Variants in CLIC5 observed in about 807,000 individuals in gnomAD.
CLIC5 encodes CLIC family member 5.
A neutral mutation model predicts 24.7 loss-of-function variants in CLIC5; 20 were observed. The observed-to-expected ratio is 0.81, with a 90% CI of 0.57 to 1.18. The LOEUF (loss-of-function observed/expected upper bound fraction) is 1.18, where lower values mean the gene tolerates loss of function less well. Among genes scored for constraint, CLIC5 ranks in the 50% most tolerant of loss-of-function variants. The pLI is 0.00. For synonymous variants in CLIC5, 159 were observed against 135.6 expected, an observed-to-expected ratio of 1.17 and a Z score of -1.20; for missense variants, 341 against 326.1, an observed-to-expected ratio of 1.05 and a Z score of -0.35.
At chr6:46,105,487 T>C in the CLIC5 span, among the ~76,000 whole-genome samples, 414 of 152,316 alleles carry the variant, frequency 2.7e-3, no homozygotes, top group African/African-American at 9.7e-3. Flanking sequence ...TTGGTTCCTC[T>C]GTTCTTTTCC....
At chr6:45,881,452 CG>C (rs1291241695) in intron 6 of CLIC5, among the ~76,000 whole-genome samples, 1 of 152,084 alleles carries the variant, frequency 6.6e-6, no homozygotes, top group African/African-American at 2.4e-5. Flanking sequence ...GGCCTTCCGG[CG>C]GCAGATTCTC....
rs1326638901 is a variant in CLIC5, at chr6:45,902,769, T to A, written c.*319A>T. ...AGCATCTGAGAAGGTATTTTGATAT[T>A]GGCAGAAGAAGCTAGTGGCAATCCC... On this transcript the variant is annotated 3_prime_UTR_variant, in exon 6 of 6. Transcript: ENST00000339561. 9.2e-6 allele frequency: 3 copies of A among 327,420 alleles called. No homozygotes were observed. The highest frequency in any genetic ancestry group is 1.7e-5 in the Non-Finnish European group (3 of 178,282). 20.3% of individuals were successfully genotyped at this position (327,420 alleles called of 1,614,324 possible). A position where few individuals can be genotyped will look rare whatever the true frequency, so the allele number is the denominator to read the frequency against.
At chr6:46,028,454 C>A (rs1767404395) in intron 1 of CLIC5, among the ~76,000 whole-genome samples, 1 of 152,210 alleles carries the variant, frequency 6.6e-6, no homozygotes, top group Non-Finnish European at 1.5e-5. Flanking sequence ...TGACCCTCTG[C>A]ATGCATTGGT....
Position 45,901,094 on chromosome 6 carries a change from A to T in CLIC5, c.*1994T>A, listed in dbSNP as rs1359123435. The T allele has an allele frequency of 6.6e-6, 1 of 152,134 alleles. No individual in the cohort carries two copies. Among genetic ancestry groups the T allele is most frequent in the African/African-American group, 2.4e-5 (1 of 41,430 alleles). 9.4% of individuals were successfully genotyped at this position (152,134 alleles called of 1,614,324 possible). ...GGGAAGGATTTCTGAGTACAGCAGG[A>T]TTTCACACTAATTAAAAGGCCTTCG... On this transcript the variant is annotated 3_prime_UTR_variant, in exon 6 of 6. Coordinates refer to ENST00000339561, the MANE Select transcript of CLIC5 (RefSeq NM_016929.5).
At chr6:45,928,575 G>T (rs780501902) in intron 4 of CLIC5, among the ~76,000 whole-genome samples, 28 of 152,164 alleles carry the variant, frequency 1.8e-4, no homozygotes, top group Non-Finnish European at 2.9e-4. Flanking sequence ...ACACACTATT[G>T]TACTTCTGTG....
rs1461973060 is a variant in CLIC5 at position 45,925,219 on chromosome 6, C to T, written c.407-10810G>A. 2.0e-5 allele frequency among the ~76,000 whole-genome samples: 3 copies of T among 151,934 alleles called. 1 individual carries two copies. The highest frequency in any genetic ancestry group is 7.3e-5 in the African/African-American group (3 of 41,356). On this transcript the variant is annotated intron_variant, in intron 4 of 5. Transcript: ENST00000339561. ...GTTTTGCTAATAAAATACATGTTTG[C>T]TTTAGCCACTGTAGTCAGGCTTCTA...
rs550547300 is a variant in CLIC5, at chr6:46,035,279, A to G, written c.540+44424T>C. Among the ~76,000 whole-genome samples the G allele has an allele frequency of 9.2e-5, 14 of 152,316 alleles. 1 individual carries two copies. The South Asian group carries it at 2.7e-3, about 29-fold the overall frequency. ...GATAGCAGAAGTTTTCAAGCCACTG[A>G]GTAATATTAGAGGAAGAAAAAAGAA... On this transcript the variant is annotated intron_variant, in intron 1 of 5. Coordinates refer to the CLIC5 transcript ENST00000185206.
rs3831297 is a variant in CLIC5, at chr6:45,903,262, CAG to C, written c.589-9_589-8del. 0.37 allele frequency: 585,612 copies of C among 1,573,906 alleles called. 111,011 individuals are homozygous for C. Among genetic ancestry groups the C allele is most frequent in the East Asian group, 0.44 (19,602 of 44,368 alleles). Reference sequence around the variant, plus strand: ...GGTATTTCTTGGCCACAATCTAAAACAGAGATGGCAGGACAGAGGTGGTGTGA... The same window carrying C: ...GGTATTTCTTGGCCACAATCTAAAACAGATGGCAGGACAGAGGTGGTGTGA... On this transcript the variant is annotated splice_polypyrimidine_tract_variant and splice_region_variant and intron_variant, in intron 5 of 5. Coordinates refer to ENST00000339561, the MANE Select transcript of CLIC5 (RefSeq NM_016929.5).
At chr6:46,015,049 C>A (rs953103036) in intron 1 of CLIC5, among the ~76,000 whole-genome samples, 1 of 152,224 alleles carries the variant, frequency 6.6e-6, no homozygotes, top group Non-Finnish European at 1.5e-5. Flanking sequence ...TTTCGCTTTG[C>A]CAAAGATCAT....
chr6:46,039,101 C>T lies in CLIC5; in HGVS notation c.540+40602G>A, dbSNP rs534593270. On this transcript the variant is annotated intron_variant, in intron 1 of 5. Transcript: ENST00000185206. ...TTATAACTCATTCATGCATAGAAAG[C>T]CAAATATTCTGAAGATAACAAAACT... Among the ~76,000 whole-genome samples the T allele has an allele frequency of 2.6e-5, 4 of 152,006 alleles. No homozygotes were observed. In the South Asian group the frequency reaches 8.3e-4, roughly 32 times the overall value.
At chr6:46,023,788 C>G (rs1411385002) in intron 1 of CLIC5, among the ~76,000 whole-genome samples, 1 of 151,990 alleles carries the variant, frequency 6.6e-6, no homozygotes, top group Non-Finnish European at 1.5e-5. Context: ...TGGTCAAGCT[C>G]CTACTTTAGC....
chr6:46,075,823 T>C (rs1321307548), intron 1 of CLIC5, among the ~76,000 whole-genome samples: 1 of 152,202 alleles, frequency 6.6e-6, no homozygotes, highest in Non-Finnish European at 1.5e-5. Flanking sequence ...CATTAGCGAA[T>C]ATCAGCTTTC....
intron 1 of CLIC5, among the ~76,000 whole-genome samples, chr6:46,032,778 G>A (rs1207079788): frequency 1.3e-5 from 2 of 151,990 alleles, no homozygotes; most frequent in Non-Finnish European, 2.9e-5. Flanking sequence ...TGAGCTACTC[G>A]GGCTGGTCAC....
intron 4 of CLIC5, among the ~76,000 whole-genome samples, chr6:45,939,074 C>G (rs541917028): frequency 6.6e-6 from 1 of 152,136 alleles, no homozygotes; most frequent in East Asian, 1.9e-4. Flanking sequence ...GTTCCAATAT[C>G]AAGGTATTAG....
chr6:46,089,667 G>C, the CLIC5 span, among the ~76,000 whole-genome samples: 1 of 152,090 alleles, frequency 6.6e-6, no homozygotes, highest in Non-Finnish European at 1.5e-5. Flanking sequence ...AGATTACACA[G>C]GTGTGTTCAG....
intron 4 of CLIC5, among the ~76,000 whole-genome samples, chr6:45,916,249 T>C (rs1394798002): frequency 4.6e-5 from 7 of 152,230 alleles, no homozygotes; most frequent in Non-Finnish European, 8.8e-5. Context: ...CATCATCTGC[T>C]TTGTGTTTCC....
Position 45,904,954 on chromosome 6 carries a change from C to A in CLIC5, c.589-1699G>T, listed in dbSNP as rs1762616815. Reference sequence around the variant, plus strand: ...GTGAGTACCTATTGCTTAGCTCCTACTTATAAGTGAGAACATGTAGTTTCA... The same window carrying A: ...GTGAGTACCTATTGCTTAGCTCCTAATTATAAGTGAGAACATGTAGTTTCA... On this transcript the variant is annotated intron_variant, in intron 5 of 5. Transcript: ENST00000339561. Among the ~76,000 whole-genome samples the A allele has an allele frequency of 3.3e-5, 5 of 151,982 alleles. No individual in the cohort carries two copies. In the South Asian group the frequency reaches 1.0e-3, roughly 32 times the overall value.
chr6:46,001,662 C>A (rs932321712), intron 1 of CLIC5, among the ~76,000 whole-genome samples: 4 of 152,152 alleles, frequency 2.6e-5, no homozygotes, highest in Admixed American at 2.6e-4. Flanking sequence ...TGGAAAAGTG[C>A]ATTTCAAGTA....
At chr6:46,120,808 G>A in the CLIC5 span, among the ~76,000 whole-genome samples, 11 of 152,260 alleles carry the variant, frequency 7.2e-5, no homozygotes, top group Middle Eastern at 3.4e-3. Flanking sequence ...TAGCCGATTC[G>A]ATCAACTGGA....
Sources: allele counts gnomAD v4.1 joint callset (sites outside exome capture counted in the v4.1 genomes callset), GRCh38; gene constraint gnomAD v4.1.1; transcripts MANE v1.5; gene names NCBI Gene and HGNC (gene_info 2026-07-23, HGNC 2026-07-21).